Variants in SAMMSON observed in about 807,000 individuals in gnomAD.
SAMMSON encodes survival associated mitochondrial melanoma specific oncogenic non-coding RNA.
intron 4 of SAMMSON, among the ~76,000 whole-genome samples, chr3:70,200,926 T>C (rs1179047696): frequency 6.6e-6 from 1 of 152,026 alleles, no homozygotes; most frequent in African/African-American, 2.4e-5. Context: ...GTCAACTATT[T>C]TGCCAAAAGC....
chr3:70,346,943 A>C (rs1185141781), intron 7 of SAMMSON, among the ~76,000 whole-genome samples: 1 of 152,188 alleles, frequency 6.6e-6, no homozygotes, highest in Non-Finnish European at 1.5e-5. Context: ...CTGATCTGGC[A>C]ATGAAACTGA....
intron 3 of SAMMSON, among the ~76,000 whole-genome samples, chr3:70,059,485 G>A (rs975088887): frequency 1.3e-5 from 2 of 152,204 alleles, no homozygotes; most frequent in South Asian, 2.1e-4. Context: ...GAACCAGGGG[G>A]AACTAATCAT....
intron 4 of SAMMSON, among the ~76,000 whole-genome samples, chr3:70,096,754 A>G (rs932615722): frequency 6.6e-6 from 1 of 152,218 alleles, no homozygotes. Context: ...ATTAACAGCA[A>G]CATGTTGTTA....
intron 4 of SAMMSON, among the ~76,000 whole-genome samples, chr3:70,177,680 C>A (rs1407908262): frequency 6.6e-6 from 1 of 152,126 alleles, no homozygotes; most frequent in Non-Finnish European, 1.5e-5. Context: ...GCTTTACATG[C>A]ACAATCCTAT....
chr3:70,197,247 A>C (rs1177057454), intron 4 of SAMMSON: 1 of 397,952 alleles, frequency 2.5e-6, no homozygotes, highest in Non-Finnish European at 4.4e-6. Context: ...AAGGACAGGC[A>C]TGTGTGCTGG....
At chr3:70,200,241 G>A (rs180817341) in intron 4 of SAMMSON, among the ~76,000 whole-genome samples, 219 of 152,242 alleles carry the variant, frequency 1.4e-3, no homozygotes, top group Non-Finnish European at 2.7e-3. Flanking sequence ...ACATGAGCCC[G>A]CTTCAAATTC....
At chr3:70,250,477 A>G (rs1013018129) in intron 6 of SAMMSON, among the ~76,000 whole-genome samples, 9 of 151,530 alleles carry the variant, frequency 5.9e-5, no homozygotes, top group African/African-American at 2.2e-4. Flanking sequence ...ATGATTTCCA[A>G]CGAGATGTAA....
chr3:70,231,382 G>C (rs1701558876), intron 4 of SAMMSON, among the ~76,000 whole-genome samples: 1 of 152,148 alleles, frequency 6.6e-6, no homozygotes, highest in Non-Finnish European at 1.5e-5. Flanking sequence ...GCAAACTTGC[G>C]TTTTTTCTCT....
intron 4 of SAMMSON, among the ~76,000 whole-genome samples, chr3:70,091,762 C>G (rs535792416): frequency 5.9e-5 from 9 of 152,144 alleles, no homozygotes; most frequent in African/African-American, 2.2e-4. Flanking sequence ...ACAATAGATG[C>G]TGGAGGAGCC....
intron 6 of SAMMSON, among the ~76,000 whole-genome samples, chr3:70,285,685 G>A (rs1230739009): frequency 6.7e-6 from 1 of 150,112 alleles, no homozygotes; most frequent in Non-Finnish European, 1.5e-5. Context: ...CAGTGTAAAA[G>A]TGTTCCTATT....
chr3:70,246,517 C>T (rs913188610), intron 4 of SAMMSON, among the ~76,000 whole-genome samples: 1 of 151,980 alleles, frequency 6.6e-6, no homozygotes, highest in Non-Finnish European at 1.5e-5. Flanking sequence ...ACTTATCAAA[C>T]AGAAACACGA....
intron 4 of SAMMSON, among the ~76,000 whole-genome samples, chr3:70,200,473 A>G (rs1041213923): frequency 5.3e-5 from 8 of 152,158 alleles, no homozygotes; most frequent in African/African-American, 1.9e-4. Context: ...GCCTTTGCAC[A>G]TGCTGTGTTT....
At chr3:70,339,678 G>T (rs947294824) in intron 7 of SAMMSON, among the ~76,000 whole-genome samples, 2 of 152,154 alleles carry the variant, frequency 1.3e-5, no homozygotes, top group Non-Finnish European at 2.9e-5. Flanking sequence ...GGCCATCAGA[G>T]AAATGCAAAT....
rs907588055 is a variant in SAMMSON at position 70,298,959 on chromosome 3, A to G, written n.739+7716A>G. The stretch of plus-strand genomic sequence containing the variant: ...TACTTCTGCACATATATTTTATGCA[A>G]CTAAGCTGAGGCATTGATGTGCAAT... On this transcript the variant is annotated intron_variant and non_coding_transcript_variant, in intron 7 of 9. Coordinates refer to ENST00000642114, the Ensembl canonical transcript of SAMMSON. Among the ~76,000 whole-genome samples the G allele has an allele frequency of 1.3e-5, 2 of 152,312 alleles. 1 individual carries two copies. The highest frequency in any genetic ancestry group is 4.8e-5 in the African/African-American group (2 of 41,582).
At chr3:70,343,912 C>T (rs1022109033) in intron 7 of SAMMSON, among the ~76,000 whole-genome samples, 3 of 149,310 alleles carry the variant, frequency 2.0e-5, no homozygotes, top group Admixed American at 6.7e-5. Context: ...TATATATATA[C>T]ATTATATAAT....
chr3:70,257,008 T>A (rs1283448804), intron 6 of SAMMSON, among the ~76,000 whole-genome samples: 1 of 152,034 alleles, frequency 6.6e-6, no homozygotes, highest in Admixed American at 6.6e-5. Flanking sequence ...GCAAGTCCAG[T>A]GGTGGAGAGA....
intron 3 of SAMMSON, among the ~76,000 whole-genome samples, chr3:70,021,434 A>T (rs2107580736): frequency 6.6e-6 from 1 of 152,348 alleles, no homozygotes; most frequent in South Asian, 2.1e-4. Flanking sequence ...GATGAAGTTC[A>T]TCCACTTATA....
intron 4 of SAMMSON, among the ~76,000 whole-genome samples, chr3:70,107,909 C>G (rs1184083427): frequency 6.6e-6 from 1 of 152,028 alleles, no homozygotes; most frequent in Non-Finnish European, 1.5e-5. Flanking sequence ...AAGGATACAC[C>G]TGGTACATCT....
intron 4 of SAMMSON, among the ~76,000 whole-genome samples, chr3:70,149,551 T>G (rs1245911733): frequency 6.6e-6 from 1 of 152,070 alleles, no homozygotes; most frequent in Non-Finnish European, 1.5e-5. Context: ...CAGAAAGCCA[T>G]GTTTTAATAA....
Sources: gnomAD v4.1 joint callset for allele counts (sites outside exome capture counted in the v4.1 genomes callset) on GRCh38, gnomAD v4.1.1 for gene constraint, MANE v1.5 for transcripts, NCBI Gene and HGNC (gene_info 2026-07-23, HGNC 2026-07-21) for gene names.